SLC24A3: variants seen among roughly 807,000 people sequenced by gnomAD.
SLC24A3 encodes solute carrier family 24 member 3.
A neutral mutation model predicts 75.8 loss-of-function variants in SLC24A3; 28 were observed. The ratio of observed to expected loss-of-function variants is 0.37; its 90% CI spans 0.27 to 0.51. SLC24A3 has a LOEUF of 0.51. SLC24A3 is among the 20% of genes least tolerant of loss of function. The probability of loss-of-function intolerance (pLI) is 0.94; values close to 1 mark genes in which losing one functional copy is unlikely to be tolerated. For synonymous variants in SLC24A3, 372 were observed against 334.1 expected, an observed-to-expected ratio of 1.11 and a Z score of -1.24; for missense variants, 663 against 847.8, an observed-to-expected ratio of 0.78 and a Z score of 2.71.
At chr20:19,628,148 G>A (rs1318833689) in intron 6 of SLC24A3, among the ~76,000 whole-genome samples, 1 of 143,368 alleles carries the variant, frequency 7.0e-6, no homozygotes, top group Non-Finnish European at 1.5e-5. Flanking sequence ...AGGTTGCAGT[G>A]AGCTGAGATT....
intron 2 of SLC24A3, among the ~76,000 whole-genome samples, chr20:19,379,126 C>T (rs555986303): frequency 5.9e-5 from 9 of 152,180 alleles, no homozygotes; most frequent in African/African-American, 9.6e-5. Flanking sequence ...GAACCATGAG[C>T]GGTAAAAATG....
chr20:19,401,930 C>T (rs1986558688), intron 2 of SLC24A3, among the ~76,000 whole-genome samples: 1 of 152,186 alleles, frequency 6.6e-6, no homozygotes, highest in African/African-American at 2.4e-5. Context: ...TTATTGATCA[C>T]CTTCACTTCA....
intron 3 of SLC24A3, among the ~76,000 whole-genome samples, chr20:19,573,877 G>C (rs1163929129): frequency 2.0e-5 from 3 of 152,158 alleles, no homozygotes; most frequent in African/African-American, 7.2e-5. Flanking sequence ...AAAATAAAAG[G>C]TTTAATGACT....
At chr20:19,496,182 C>T (rs868393240) in intron 2 of SLC24A3, among the ~76,000 whole-genome samples, 142 of 152,260 alleles carry the variant, frequency 9.3e-4, no homozygotes, top group African/African-American at 3.1e-3. Context: ...TGGCCTCACC[C>T]GCTTCTCACT....
At chr20:19,285,899 A>G (rs555985220) in intron 2 of SLC24A3, among the ~76,000 whole-genome samples, 1 of 152,336 alleles carries the variant, frequency 6.6e-6, no homozygotes, top group South Asian at 2.1e-4. Flanking sequence ...AATTTTATTT[A>G]TACACTTTGC....
chr20:19,452,183 C>A (rs751541181), intron 2 of SLC24A3, among the ~76,000 whole-genome samples: 9 of 152,112 alleles, frequency 5.9e-5, no homozygotes, highest in Non-Finnish European at 1.3e-4. Flanking sequence ...ATTTGAGAAG[C>A]CAAGAGGAAG....
intron 3 of SLC24A3, among the ~76,000 whole-genome samples, chr20:19,563,331 C>T (rs1210173634): frequency 6.6e-6 from 1 of 152,112 alleles, no homozygotes; most frequent in Non-Finnish European, 1.5e-5. Flanking sequence ...AATATTAAAA[C>T]TTCAAATACA....
chr20:19,291,358 G>A (rs1470213351), intron 2 of SLC24A3, among the ~76,000 whole-genome samples: 1 of 152,196 alleles, frequency 6.6e-6, no homozygotes, highest in Non-Finnish European at 1.5e-5. Context: ...TGAAGGTCAG[G>A]GATGGTCTGA....
intron 2 of SLC24A3, among the ~76,000 whole-genome samples, chr20:19,434,669 T>C (rs1440580985): frequency 4.6e-5 from 7 of 152,210 alleles, no homozygotes; most frequent in African/African-American, 1.7e-4. Flanking sequence ...CAGCTGCCTC[T>C]GGATGGTTAT....
intron 2 of SLC24A3, among the ~76,000 whole-genome samples, chr20:19,285,502 A>AAAT (rs1555785961): frequency 2.7e-4 from 39 of 145,716 alleles, no homozygotes; most frequent in African/African-American, 9.6e-4. Context: ...AAAAAAAAAA[A>AAAT]GGCATTTTTC....
chr20:19,484,755 A>G (rs1988105103), intron 2 of SLC24A3, among the ~76,000 whole-genome samples: 1 of 152,216 alleles, frequency 6.6e-6, no homozygotes, highest in African/African-American at 2.4e-5. Flanking sequence ...TGTTCTGCCT[A>G]GTGGCTGCGC....
chr20:19,326,190 G>A (rs1321530576), intron 2 of SLC24A3, among the ~76,000 whole-genome samples: 3 of 152,082 alleles, frequency 2.0e-5, no homozygotes, highest in African/African-American at 4.8e-5. Context: ...TGCAAAGGGG[G>A]TAGTGCTTCA....
chr20:19,459,405 C>T (rs1427608950), intron 2 of SLC24A3, among the ~76,000 whole-genome samples: 1 of 152,054 alleles, frequency 6.6e-6, no homozygotes, highest in Non-Finnish European at 1.5e-5. Flanking sequence ...CTCTTGACCT[C>T]CCTTGTTAGT....
chr20:19,555,681 G>T (rs376001249), intron 3 of SLC24A3, among the ~76,000 whole-genome samples: 1 of 152,086 alleles, frequency 6.6e-6, no homozygotes, highest in Non-Finnish European at 1.5e-5. Context: ...ACAGAGCATC[G>T]TAAAACCAGT....
intron 2 of SLC24A3, among the ~76,000 whole-genome samples, chr20:19,318,890 C>T (rs745447740): frequency 2.0e-4 from 31 of 152,236 alleles, no homozygotes; most frequent in Middle Eastern, 3.4e-3. Context: ...ATGGCTGCCT[C>T]GGTCTAAATG....
At chr20:19,468,328 G>A (rs1987803703) in intron 2 of SLC24A3, among the ~76,000 whole-genome samples, 1 of 152,076 alleles carries the variant, frequency 6.6e-6, no homozygotes, top group South Asian at 2.1e-4. Context: ...TGTTAATGTG[G>A]CAAGGATGGG....
At chr20:19,411,214 C>A (rs759116936) in intron 2 of SLC24A3, among the ~76,000 whole-genome samples, 4 of 152,146 alleles carry the variant, frequency 2.6e-5, no homozygotes, top group African/African-American at 9.7e-5. Flanking sequence ...CTCCCATTAC[C>A]CCTTCCTTAG....
chr20:19,471,305 G>A (rs563901516), intron 2 of SLC24A3, among the ~76,000 whole-genome samples: 7 of 152,314 alleles, frequency 4.6e-5, no homozygotes, highest in Non-Finnish European at 8.8e-5. Flanking sequence ...GTCAGTCCAT[G>A]AATATGGTCC....
At chr20:19,505,303 A>G (rs530685660) in intron 2 of SLC24A3, among the ~76,000 whole-genome samples, 1 of 152,214 alleles carries the variant, frequency 6.6e-6, no homozygotes, top group Admixed American at 6.5e-5. Context: ...TAGTTCCATA[A>G]TGCTATCTAG....
Sources: gnomAD v4.1 joint callset for allele counts (sites outside exome capture counted in the v4.1 genomes callset) on GRCh38, gnomAD v4.1.1 for gene constraint, MANE v1.5 for transcripts, NCBI Gene and HGNC (gene_info 2026-07-23, HGNC 2026-07-21) for gene names.